The following GAS7 variants were observed in gnomAD, a reference collection of about 807,000 sequenced individuals.
GAS7 encodes growth arrest specific 7.
GAS7 carries 28 observed loss-of-function variants against 71.1 expected under a neutral mutation model. That is an observed-to-expected ratio of 0.39 (90% CI 0.29 to 0.54). GAS7 has a LOEUF of 0.54. GAS7 is among the 20% of genes least tolerant of loss of function. GAS7 has a pLI of 0.62. For missense variants in GAS7, 436 were observed against 627.8 expected, an observed-to-expected ratio of 0.69 and a Z score of 3.27; for synonymous variants, 258 against 245.8, an observed-to-expected ratio of 1.05 and a Z score of -0.46.
chr17:10,182,607 G>A (rs1474254894), intron 1 of GAS7, among the ~76,000 whole-genome samples: 6 of 152,194 alleles, frequency 3.9e-5, no homozygotes, highest in Non-Finnish European at 8.8e-5. Flanking sequence ...TCACTAGGGG[G>A]ATAAAATGGA....
At chr17:10,169,261 C>T (rs956214775) in intron 1 of GAS7, among the ~76,000 whole-genome samples, 4 of 150,936 alleles carry the variant, frequency 2.7e-5, no homozygotes, top group African/African-American at 4.9e-5. Context: ...AGCAAGACTT[C>T]GACTCAAAAA....
chr17:9,942,580 G>C (rs2068642779), intron 7 of GAS7, among the ~76,000 whole-genome samples: 1 of 152,178 alleles, frequency 6.6e-6, no homozygotes, highest in African/African-American at 2.4e-5. Context: ...GGTAGGAGGA[G>C]GGTTCAACAT....
chr17:10,154,946 AC>A, intron 1 of GAS7, among the ~76,000 whole-genome samples: 1 of 151,380 alleles, frequency 6.6e-6, no homozygotes, highest in East Asian at 1.9e-4. Flanking sequence ...ACACACACAC[AC>A]ACACACACAA....
intron 1 of GAS7, among the ~76,000 whole-genome samples, chr17:10,105,742 T>G (rs59493109): frequency 4.6e-5 from 7 of 152,158 alleles, no homozygotes; most frequent in African/African-American, 1.7e-4. Flanking sequence ...AGAGCACGTA[T>G]CACTAGCTCA....
intron 1 of GAS7, among the ~76,000 whole-genome samples, chr17:10,174,549 G>A (rs1004563817): frequency 2.4e-4 from 36 of 152,130 alleles, no homozygotes; most frequent in African/African-American, 8.2e-4. Context: ...AAAATTAGCC[G>A]GGCGCAGTGG....
At chr17:10,100,823 G>C (rs953459958) in intron 1 of GAS7, among the ~76,000 whole-genome samples, 2 of 152,152 alleles carry the variant, frequency 1.3e-5, no homozygotes, top group African/African-American at 4.8e-5. Flanking sequence ...GGATAAAAAG[G>C]GTTTTCTGAG....
intron 8 of GAS7, among the ~76,000 whole-genome samples, chr17:9,939,410 G>A (rs2068516714): frequency 6.6e-6 from 1 of 152,082 alleles, no homozygotes; most frequent in Non-Finnish European, 1.5e-5. Flanking sequence ...AAGCCCACAG[G>A]AGAGAGCTCC....
chr17:10,107,724 G>A (rs2073772280), intron 1 of GAS7, among the ~76,000 whole-genome samples: 1 of 150,414 alleles, frequency 6.6e-6, no homozygotes. Flanking sequence ...CTGAGCAGGG[G>A]AACCACCTTA....
chr17:10,143,961 C>T (rs1295914618), intron 1 of GAS7, among the ~76,000 whole-genome samples: 2 of 152,192 alleles, frequency 1.3e-5, no homozygotes, highest in East Asian at 3.8e-4. Context: ...GTAGGCCCAT[C>T]CCCACCCATT....
At chr17:10,066,081 C>T (rs1029671280) in intron 1 of GAS7, among the ~76,000 whole-genome samples, 1 of 152,156 alleles carries the variant, frequency 6.6e-6, no homozygotes, top group Non-Finnish European at 1.5e-5. Flanking sequence ...CTCCATAACC[C>T]CATTTCCCCA....
rs2069885937 is a variant in GAS7, at chr17:9,969,842, T to C, written c.386-80A>G. On this transcript the variant is annotated intron_variant, in intron 3 of 13. Coordinates refer to ENST00000432992, the MANE Select transcript of GAS7 (RefSeq NM_201433.2). The surrounding 1 kb of genome is among the most constrained non-coding windows in gnomAD (Gnocchi z 5.5). ...CGCCTTTCGTCCACTGCAGCCCCTT[T>C]TCCCACCTCCTTCCTTGGCTCTGAG... 1 of 876,638 alleles carries C rather than the reference T, an allele frequency of 1.1e-6. No individual in the cohort carries two copies. The highest frequency in any genetic ancestry group is 1.6e-5 in the African/African-American group (1 of 61,038). The allele number at this position is 876,638 out of a possible 1,614,324, so 54.3% of individuals were successfully genotyped here.
At chr17:9,950,384 C>T (rs750587031) in intron 5 of GAS7, among the ~76,000 whole-genome samples, 26 of 152,172 alleles carry the variant, frequency 1.7e-4, no homozygotes, top group Middle Eastern at 3.4e-3. Flanking sequence ...TGGTGGCACA[C>T]ACTTGTAGTC....
At chr17:10,077,545 G>A (rs2073408741) in intron 1 of GAS7, among the ~76,000 whole-genome samples, 1 of 152,140 alleles carries the variant, frequency 6.6e-6, no homozygotes, top group Non-Finnish European at 1.5e-5. Flanking sequence ...ATGAGGTAAA[G>A]ACTTAAAAAG....
chr17:10,057,445 G>A (rs563929449), intron 1 of GAS7, among the ~76,000 whole-genome samples: 19 of 141,268 alleles, frequency 1.3e-4, no homozygotes, highest in African/African-American at 3.7e-4. Context: ...GCCGGGCCGC[G>A]ACCCCGTCTG....
At chr17:10,028,650 A>T (rs1416369037) in intron 1 of GAS7, among the ~76,000 whole-genome samples, 4 of 152,098 alleles carry the variant, frequency 2.6e-5, no homozygotes, top group African/African-American at 4.8e-5. Flanking sequence ...ACAAAAACTC[A>T]TAAGAAGAGA....
chr17:10,164,420 G>T (rs925290826), intron 1 of GAS7, among the ~76,000 whole-genome samples: 4 of 142,598 alleles, frequency 2.8e-5, no homozygotes, highest in Non-Finnish European at 4.5e-5. Context: ...CCAGCCTAGC[G>T]ACAAAGTGAG....
chr17:10,116,898 A>G (rs534000664), intron 1 of GAS7, among the ~76,000 whole-genome samples: 24 of 152,080 alleles, frequency 1.6e-4, no homozygotes, highest in Non-Finnish European at 3.2e-4. Flanking sequence ...GAGGGGGGGA[A>G]AAGAAAAAAC....
At chr17:9,917,931 A>C in intron 13 of GAS7, 70 bp downstream of exon 13, 1 of 1,105,662 alleles carries the variant, frequency 9.0e-7, no homozygotes, top group Non-Finnish European at 1.3e-6. Flanking sequence ...TTAACCTGCC[A>C]CGGCCTAGCG....
chr17:10,080,213 T>G (rs966898002), intron 1 of GAS7, among the ~76,000 whole-genome samples: 1 of 152,196 alleles, frequency 6.6e-6, no homozygotes. Flanking sequence ...CATTATACGC[T>G]AATTATAATG....
Sources: gnomAD v4.1 joint callset for allele counts (sites outside exome capture counted in the v4.1 genomes callset) on GRCh38, gnomAD v4.1.1 for gene constraint, Gnocchi (gnomAD v3.1) non-coding constraint, MANE v1.5 for transcripts, NCBI Gene and HGNC (gene_info 2026-07-23, HGNC 2026-07-21) for gene names.